The following DHX37 variants were observed in gnomAD, a reference collection of about 807,000 sequenced individuals.
The protein encoded by DHX37 is DEAH-box helicase 37, also known as probable ATP-dependent RNA helicase DHX37.
A neutral mutation model predicts 134.3 loss-of-function variants in DHX37; 52 were observed. The ratio of observed to expected loss-of-function variants is 0.39; its 90% CI spans 0.31 to 0.49. DHX37 has a LOEUF of 0.49. Ranked by LOEUF, DHX37 falls within the 20% of genes least tolerant of loss-of-function variation. The pLI is 0.93. For missense variants in DHX37, 1,344 were observed against 1,580.8 expected (o/e 0.85, Z 2.54); for synonymous variants, 634 against 670.7 (o/e 0.95, Z 0.85).
At chr12:124,961,255 CGCACACACAT>C (rs1566332428) in intron 15 of DHX37, among the ~76,000 whole-genome samples, 3 of 116,272 alleles carry the variant, frequency 2.6e-5, no homozygotes, top group African/African-American at 1.5e-4. Context: ...CGTGCACGCA[CGCACACACAT>C]ACACGCGTGC....
Position 124,950,795 on chromosome 12 carries a change from GGA to G in DHX37, c.2876_2877del (p.Leu959ProfsTer31). 1 of 1,606,336 alleles carries G rather than the reference GGA, an allele frequency of 6.2e-7. No homozygotes were observed. Among genetic ancestry groups the G allele is most frequent in the Non-Finnish European group, 8.5e-7 (1 of 1,177,862 alleles). ...DKWRNAYKTPLLDDPVFIHPS... is the reference protein window; with the variant it reads ...DKWRNAYKTPXLDDPVFIHPS... The stretch of plus-strand genomic sequence containing the variant: ...GGGTGGATGAAGACAGGGTCGTCGA[GGA>G]GAGGGGTCTGCAGAGAATGGAGAGT... On this transcript the variant is annotated frameshift_variant, in exon 22 of 27. Coordinates refer to ENST00000308736, the MANE Select transcript of DHX37 (RefSeq NM_032656.4). LOFTEE classifies it high-confidence loss of function.
chr12:124,965,832 G>C lies in DHX37; in HGVS notation c.1591-20C>G, dbSNP rs1234946123. 2.5e-6 allele frequency: 4 copies of C among 1,610,498 alleles called. No individual in the cohort carries two copies. Among genetic ancestry groups the C allele is most frequent in the Non-Finnish European group, 3.4e-6 (4 of 1,178,086 alleles). ...CAGCACCTACGGCGAACAAGACATA[G>C]ACACCTGGGCTGCAGGGATCCTGGG... On this transcript the variant is annotated intron_variant, in intron 12 of 26. Transcript: ENST00000308736.
chr12:124,958,910 C>CTT (rs35528941), intron 16 of DHX37, among the ~76,000 whole-genome samples: 6 of 122,442 alleles, frequency 4.9e-5, no homozygotes, highest in South Asian at 2.6e-4. Context: ...ATGCACCCAG[C>CTT]TTTTTTTTTT....
intron 5 of DHX37, among the ~76,000 whole-genome samples, chr12:124,976,260 C>T (rs570376457): frequency 6.6e-6 from 1 of 152,346 alleles, no homozygotes; most frequent in Non-Finnish European, 1.5e-5. Flanking sequence ...TACCACTGCC[C>T]TCTGCTGATC....
chr12:124,951,419 C>A (rs916766586), intron 21 of DHX37, among the ~76,000 whole-genome samples: 1 of 152,152 alleles, frequency 6.6e-6, no homozygotes, highest in Non-Finnish European at 1.5e-5. Flanking sequence ...CCAGAACAGG[C>A]AGATCCACAG....
chr12:124,959,155 C>T (rs1181830035), intron 16 of DHX37, among the ~76,000 whole-genome samples: 4 of 150,000 alleles, frequency 2.7e-5, no homozygotes, highest in Non-Finnish European at 5.9e-5. Context: ...CCCATTGCAA[C>T]CTCCGCCTCC....
intron 16 of DHX37, 42 bp downstream of exon 16, chr12:124,960,270 C>A (rs1167651289): frequency 1.3e-6 from 2 of 1,593,092 alleles, no homozygotes; most frequent in South Asian, 1.1e-5. Flanking sequence ...GGGAGGTGGT[C>A]CACTGGGGTG....
chr12:124,972,088 C>T (rs978325353), intron 7 of DHX37, among the ~76,000 whole-genome samples: 7 of 152,224 alleles, frequency 4.6e-5, no homozygotes, highest in Non-Finnish European at 8.8e-5. Flanking sequence ...TCACCAAACG[C>T]AACTGGACTC....
intron 7 of DHX37, among the ~76,000 whole-genome samples, chr12:124,971,747 G>A (rs1420192348): frequency 6.6e-6 from 1 of 152,164 alleles, no homozygotes; most frequent in Non-Finnish European, 1.5e-5. Context: ...CTGGGAGATT[G>A]GCCCTGCCCA....
chr12:124,973,639 T>C (rs1273403214), intron 6 of DHX37, among the ~76,000 whole-genome samples: 354 of 24,912 alleles, frequency 0.014, 40 homozygotes, highest in Middle Eastern at 0.077. Context: ...CCCCCAACGC[T>C]TTTTTTTTTT....
At chr12:124,983,865 G>T (rs116288389) in intron 2 of DHX37, among the ~76,000 whole-genome samples, 1,744 of 151,976 alleles carry the variant, frequency 0.011, 34 homozygotes, top group African/African-American at 0.039. Flanking sequence ...CCCATCCACG[G>T]CTGCTGGAGA....
intron 2 of DHX37, among the ~76,000 whole-genome samples, chr12:124,983,418 T>TCCACACACACACAC (rs1954795501): frequency 6.8e-6 from 1 of 148,106 alleles, no homozygotes; most frequent in Admixed American, 6.8e-5. Context: ...ATGTGTGTAT[T>TCCACACACACACAC]ACACACACAC....
chr12:124,961,222 A>G (rs1954242484), intron 15 of DHX37, among the ~76,000 whole-genome samples: 1 of 113,362 alleles, frequency 8.8e-6, no homozygotes, highest in African/African-American at 5.0e-5. Flanking sequence ...ACGCACGCAC[A>G]CGCACGCACA....
intron 4 of DHX37, among the ~76,000 whole-genome samples, chr12:124,978,468 C>T (rs1231575120): frequency 6.6e-6 from 1 of 151,684 alleles, no homozygotes; most frequent in African/African-American, 2.4e-5. Context: ...CAGGCACCCA[C>T]CACCATGCCT....
chr12:124,980,386 G>A lies in DHX37; in HGVS notation c.738+104C>T. 3 of 1,269,306 alleles carry A rather than the reference G, an allele frequency of 2.4e-6. No homozygotes were observed. Among genetic ancestry groups the A allele is most frequent in the Non-Finnish European group, 3.2e-6 (3 of 932,540 alleles). 78.6% of individuals were successfully genotyped at this position (1,269,306 alleles called of 1,614,324 possible). ...CTCCCCTTTCCCAGATGGGGACATG[G>A]AGGCACAGAGAAGGGATGCCCTTGC... On this transcript the variant is annotated intron_variant, in intron 4 of 26. Transcript: ENST00000308736. This position sits in a 1 kb window ranked among gnomAD's most constrained non-coding sequence, Gnocchi z 5.3.
In DHX37 at chr12:124,988,999, G is replaced by A; in HGVS notation, c.24C>T (p.Tyr8=). The change falls in exon 1 of 27, where the codon TAC becomes TAT. Residue 8 remains tyrosine (Y), a synonymous_variant. Coordinates refer to ENST00000308736, the MANE Select transcript of DHX37 (RefSeq NM_032656.4). MGKLRRR[Y]NIKGRQQAGP... is the part of the protein sequence containing the mutation. ...CCGCCTGCTGGCGCCCCTTGATGTT[G>A]TAGCGCCGGCGCAGCTTCCCCATGG... 1 of 1,371,600 alleles carries A rather than the reference G, an allele frequency of 7.3e-7. No homozygotes were observed. Among genetic ancestry groups the A allele is most frequent in the Non-Finnish European group, 9.5e-7 (1 of 1,055,082 alleles). The allele number at this position is 1,371,600 out of a possible 1,614,324, so 85.0% of individuals were successfully genotyped here.
rs80136262 is a variant in DHX37 at position 124,960,477 on chromosome 12, G to C, written c.2046-54C>G. The C allele has an allele frequency of 1.7e-3, 2,692 of 1,601,022 alleles. 41 individuals are homozygous for C. In the African/African-American group the frequency reaches 0.033, roughly 19 times the overall value. ...CACAAAACTCACACCAAAAACCACA[G>C]ATGAATACAGCCTGGGCAGACAGAA... is the stretch of plus-strand genomic sequence containing the variant. On this transcript the variant is annotated intron_variant, in intron 15 of 26. Transcript: ENST00000308736.
At position 124,977,344 on chromosome 12, in the gene DHX37, G is replaced by A. The variant is rs1457975370; in HGVS notation, c.885C>T (p.Ser295=). The change falls in exon 5 of 27, where the codon AGC becomes AGT. Residue 295 remains serine (S), a splice_region_variant and synonymous_variant. Coordinates refer to ENST00000308736, the MANE Select transcript of DHX37 (RefSeq NM_032656.4). The stretch of plus-strand genomic sequence containing the variant: ...AGAACCCTGTGTCCAGCCCCTACCT[G>A]CTGAAGCCTGCTTCATAGAGAAACT... ...VPQFLYEAGF[S]SEDSIIGVTE... 1.3e-6 allele frequency: 2 copies of A among 1,556,442 alleles called. No homozygotes were observed. Among genetic ancestry groups the A allele is most frequent in the Admixed American group, 2.0e-5 (1 of 50,186 alleles).
chr12:124,952,152 A>G (rs1953987613), intron 21 of DHX37, among the ~76,000 whole-genome samples: 1 of 152,132 alleles, frequency 6.6e-6, no homozygotes, highest in Non-Finnish European at 1.5e-5. Context: ...GTTTCTAGAA[A>G]ACACAAAAAA....
Sources: allele counts gnomAD v4.1 joint callset (sites outside exome capture counted in the v4.1 genomes callset), GRCh38; gene constraint gnomAD v4.1.1; non-coding constraint Gnocchi (gnomAD v3.1); transcripts MANE v1.5; gene names NCBI Gene and HGNC (gene_info 2026-07-23, HGNC 2026-07-21).